Variants in RAC1 observed in about 807,000 individuals in gnomAD.
The protein encoded by RAC1 is Rac family small GTPase 1.
In RAC1, 2 loss-of-function variants were observed where a neutral mutation model predicts 25.2. The observed-to-expected ratio is 0.08, with a 90% confidence interval of 0.03 to 0.25. The LOEUF (loss-of-function observed/expected upper bound fraction) is 0.25, where lower values mean the gene tolerates loss of function less well. RAC1 is among the 10% of genes least tolerant of loss of function. The pLI is 1.00. For missense variants in RAC1, 50 were observed against 235.7 expected (o/e 0.21, Z 5.16); for synonymous variants, 88 against 94.0 (o/e 0.94, Z 0.37).
intron 1 of RAC1, among the ~76,000 whole-genome samples, chr7:6,380,858 TTTTTG>T (rs1015495782): frequency 4.6e-5 from 7 of 152,142 alleles, no homozygotes; most frequent in South Asian, 2.1e-4. Flanking sequence ...TTGATTTTGT[TTTTTG>T]TTTTGTTTTG....
Position 6,402,901 on chromosome 7 carries a change from G to A in RAC1, c.*455G>A, listed in dbSNP as rs548626083. 4.7e-5 allele frequency: 9 copies of A among 192,966 alleles called. No homozygotes were observed. Among genetic ancestry groups the A allele is most frequent in the Non-Finnish European group, 8.7e-5 (8 of 92,210 alleles). The allele number at this position is 192,966 out of a possible 1,614,324, so 12.0% of individuals were successfully genotyped here. ...GCTCTCCTATGTAGTTCTCAGATGCGTAAAGCAGAACAGCCTCCCGAATGA... is the reference window on the plus strand; with the variant it reads ...GCTCTCCTATGTAGTTCTCAGATGCATAAAGCAGAACAGCCTCCCGAATGA... On this transcript the variant is annotated 3_prime_UTR_variant, in exon 6 of 6. Coordinates refer to ENST00000348035, the MANE Select transcript of RAC1 (RefSeq NM_006908.5).
At chr7:6,374,807 G>T in intron 1 of RAC1, 37 bp downstream of exon 1, 2 of 1,103,934 alleles carry the variant, frequency 1.8e-6, no homozygotes, top group Non-Finnish European at 1.1e-6. Context: ...GAGGCCGCGG[G>T]ATCGGGCGCG....
chr7:6,401,834 C>A, intron 4 of RAC1, 34 bp from the exon 5 acceptor site: 1 of 1,591,092 alleles, frequency 6.3e-7, no homozygotes, highest in Non-Finnish European at 8.6e-7. Flanking sequence ...TGTAAAGGAG[C>A]GTGTCACAAC....
chr7:6,401,202 C>T (rs765784351), intron 4 of RAC1, among the ~76,000 whole-genome samples: 29 of 152,142 alleles, frequency 1.9e-4, no homozygotes, highest in Non-Finnish European at 3.5e-4. Flanking sequence ...GTGATCCACC[C>T]GCCGCAGACT....
intron 1 of RAC1, among the ~76,000 whole-genome samples, chr7:6,378,092 A>G (rs534692871): frequency 5.9e-5 from 9 of 152,174 alleles, no homozygotes; most frequent in African/African-American, 2.2e-4. Context: ...GTTCTGTCTT[A>G]TCATTTCTAG....
At chr7:6,386,788 C>CAAAAAAAAAA (rs71008388) in intron 1 of RAC1, among the ~76,000 whole-genome samples, 5 of 88,160 alleles carry the variant, frequency 5.7e-5, no homozygotes, top group Admixed American at 2.4e-4. Flanking sequence ...GACTCGGTCT[C>CAAAAAAAAAA]AAAAAAAAAA....
chr7:6,399,356 T>C (rs899135144), intron 3 of RAC1, among the ~76,000 whole-genome samples: 1 of 152,258 alleles, frequency 6.6e-6, no homozygotes, highest in Non-Finnish European at 1.5e-5. Flanking sequence ...CAGGAGAATA[T>C]TTTAGAAATC....
rs34816204 is a variant in RAC1 at position 6,387,356 on chromosome 7, G to C, written c.107+73G>C. The C allele has an allele frequency of 3.1e-4, 344 of 1,121,638 alleles. No homozygotes were observed. The East Asian group carries it at 7.3e-3, about 24-fold the overall frequency. 69.5% of individuals were successfully genotyped at this position (1,121,638 alleles called of 1,614,324 possible). On this transcript the variant is annotated intron_variant, in intron 2 of 5. Transcript: ENST00000348035. ...CATTTCTTTGACCATTTGTTTTGCT[G>C]TAAAGCCATCTTTAATCCTCATATG...
At chr7:6,382,260 G>A (rs1782789200) in intron 1 of RAC1, among the ~76,000 whole-genome samples, 2 of 152,158 alleles carry the variant, frequency 1.3e-5, no homozygotes, top group Admixed American at 6.6e-5. Context: ...CTCTTGCTGG[G>A]ATTACAGGGA....
intron 2 of RAC1, among the ~76,000 whole-genome samples, chr7:6,387,865 A>G (rs1374029172): frequency 6.6e-6 from 1 of 152,224 alleles, no homozygotes; most frequent in African/African-American, 2.4e-5. Context: ...CCATAGTTGG[A>G]CACAAGAACT....
At chr7:6,379,733 T>G (rs1782712197) in intron 1 of RAC1, among the ~76,000 whole-genome samples, 1 of 152,128 alleles carries the variant, frequency 6.6e-6, no homozygotes. Flanking sequence ...TATTATTTTA[T>G]TTTTTATTTT....
At chr7:6,375,418 G>T (rs1167296995) in intron 1 of RAC1, among the ~76,000 whole-genome samples, 2 of 152,010 alleles carry the variant, frequency 1.3e-5, no homozygotes, top group Non-Finnish European at 2.9e-5. Flanking sequence ...TAGAAATGGG[G>T]TCTCACTGTG....
chr7:6,400,334 T>TC (rs1180301725), intron 4 of RAC1, 146 bp downstream of exon 4: 1 of 760,088 alleles, frequency 1.3e-6, no homozygotes, highest in African/African-American at 1.8e-5. Flanking sequence ...TGGGTTTTTT[T>TC]TTTTCTTTTG....
rs904271795 is a variant in RAC1 at position 6,398,814 on chromosome 7, T to TTG, written c.226-1311_226-1310dup. 6.0e-6 allele frequency: 7 copies of TTG among 1,162,220 alleles called. No homozygotes were observed. The African/African-American group carries it at 9.3e-5, about 15-fold the overall frequency. The allele number at this position is 1,162,220 out of a possible 1,614,324, so 72.0% of individuals were successfully genotyped here. A position where few individuals can be genotyped will look rare whatever the true frequency, so the allele number is the denominator to read the frequency against. ...GATTTTTTATTAAGCCTCAAGCTCCTTGAGTGTTTTATATTTAATTCACTC... is the reference window on the plus strand; with the variant it reads ...GATTTTTTATTAAGCCTCAAGCTCCTTGTGAGTGTTTTATATTTAATTCACTC... On this transcript the variant is annotated intron_variant, in intron 3 of 5. Coordinates refer to ENST00000348035, the MANE Select transcript of RAC1 (RefSeq NM_006908.5).
chr7:6,388,139 A>G (rs1182975183), intron 2 of RAC1, among the ~76,000 whole-genome samples: 1 of 151,968 alleles, frequency 6.6e-6, no homozygotes, highest in South Asian at 2.1e-4. Context: ...GGAGACAGGA[A>G]AGTGCTGCTC....
At chr7:6,378,338 G>A (rs1782663771) in intron 1 of RAC1, among the ~76,000 whole-genome samples, 1 of 152,056 alleles carries the variant, frequency 6.6e-6, no homozygotes, top group Non-Finnish European at 1.5e-5. Context: ...CTGAGGTCAG[G>A]AGCTCGAGAC....
intron 1 of RAC1, among the ~76,000 whole-genome samples, chr7:6,382,319 A>G (rs1043642928): frequency 1.3e-5 from 2 of 152,128 alleles, no homozygotes; most frequent in African/African-American, 2.4e-5. Context: ...ACAGCAATAT[A>G]TGCTCTGTAT....
At chr7:6,381,040 T>G (rs1004037451) in intron 1 of RAC1, among the ~76,000 whole-genome samples, 5 of 152,102 alleles carry the variant, frequency 3.3e-5, no homozygotes, top group Non-Finnish European at 7.4e-5. Flanking sequence ...GGCTAATTTT[T>G]GTATTCTTAG....
chr7:6,381,806 T>G (rs2115186611), intron 1 of RAC1, among the ~76,000 whole-genome samples: 2 of 152,280 alleles, frequency 1.3e-5, no homozygotes, highest in East Asian at 3.9e-4. Context: ...AGTGGTGTAT[T>G]TTTCTGGACA....
Sources: allele counts gnomAD v4.1 joint callset (sites outside exome capture counted in the v4.1 genomes callset), GRCh38; gene constraint gnomAD v4.1.1; transcripts MANE v1.5; gene names NCBI Gene and HGNC (gene_info 2026-07-23, HGNC 2026-07-21).